HTR3A: variants seen among roughly 807,000 people sequenced by gnomAD.
HTR3A encodes the protein 5-hydroxytryptamine receptor 3A.
A neutral mutation model predicts 54.8 loss-of-function variants in HTR3A; 45 were observed. The observed-to-expected ratio is 0.82, with a 90% CI of 0.65 to 1.05. HTR3A has a LOEUF of 1.05. Ranked by LOEUF, HTR3A falls within the 50% of genes least tolerant of loss-of-function variation. HTR3A has a pLI of 0.00. For missense variants in HTR3A, 657 were observed against 614.0 expected, an observed-to-expected ratio of 1.07 and a Z score of -0.74; for synonymous variants, 297 against 256.0, an observed-to-expected ratio of 1.16 and a Z score of -1.53.
chr11:113,977,956 C>T (rs374449665), intron 2 of HTR3A, 34 bp downstream of exon 2: 1 of 1,613,918 alleles, frequency 6.2e-7, no homozygotes, highest in Non-Finnish European at 8.5e-7. Context: ...CACAGGCAGA[C>T]CTTTTGGGGG....
chr11:113,977,172 G>A (rs778165271), intron 1 of HTR3A, among the ~76,000 whole-genome samples: 1 of 152,186 alleles, frequency 6.6e-6, no homozygotes, highest in Non-Finnish European at 1.5e-5. Flanking sequence ...GGCAGGGTGC[G>A]AGGATCCTCT....
At chr11:113,988,979 G>A (rs1202596741) in intron 8 of HTR3A, among the ~76,000 whole-genome samples, 1 of 152,156 alleles carries the variant, frequency 6.6e-6, no homozygotes, top group Non-Finnish European at 1.5e-5. Context: ...AGGGGTATAC[G>A]AGGATCCTCA....
At position 113,983,300 on chromosome 11, in the gene HTR3A, G is replaced by A. The variant is rs756261212; in HGVS notation, c.544+11G>A. 3 of 1,613,362 alleles carry A rather than the reference G, an allele frequency of 1.9e-6. No individual in the cohort carries two copies. In the African/African-American group the frequency reaches 4.0e-5, roughly 22 times the overall value. On this transcript the variant is annotated intron_variant, in intron 5 of 8. Transcript: ENST00000504030. Reference sequence around the variant, plus strand: ...GTTGGCTGCACACCAGTGAGTATGTGGGCTTCGCCGGGACAGGGGTGGAGG... The same window carrying A: ...GTTGGCTGCACACCAGTGAGTATGTAGGCTTCGCCGGGACAGGGGTGGAGG...
intron 3 of HTR3A, 93 bp downstream of exon 3, chr11:113,979,370 T>C: frequency 1.0e-6 from 1 of 1,000,078 alleles, no homozygotes; most frequent in Non-Finnish European, 1.6e-6. Flanking sequence ...CGAGGGAAGG[T>C]GAGCGGAGAG....
Position 113,975,349 on chromosome 11 carries a change from G to A in HTR3A, c.24G>A (p.Ala8=), listed in dbSNP as rs779864146. Residue 8 remains alanine, a synonymous_variant, in exon 1 of 9, where the codon GCG becomes GCA. Transcript: ENST00000504030. ...CTATGCTGCTGTGGGTCCAGCAGGC[G>A]CTGCTCGCCTTGCTCCTCCCCACAC... MLLWVQQ[A]LLALLLPTLL... is the part of the protein sequence containing the mutation. 1.3e-5 allele frequency: 21 copies of A among 1,613,176 alleles called. No homozygotes were observed. The highest frequency in any genetic ancestry group is 4.4e-5 in the South Asian group (4 of 91,078).
chr11:113,989,874 A>G lies in HTR3A; in HGVS notation c.*111A>G, dbSNP rs754177405. 8 of 1,216,360 alleles carry G rather than the reference A, an allele frequency of 6.6e-6. No homozygotes were observed. The Admixed American group carries it at 8.7e-5, about 13-fold the overall frequency. 75.3% of individuals were successfully genotyped at this position (1,216,360 alleles called of 1,614,324 possible). A position where few individuals can be genotyped will look rare whatever the true frequency, so the allele number is the denominator to read the frequency against. ...AATGCCAGGGACATTTTCAAGACAC[A>G]GACAAAGTCCCGTGCCCTGTTTCCA... On this transcript the variant is annotated 3_prime_UTR_variant, in exon 9 of 9. Transcript: ENST00000504030. This position sits in a 1 kb window ranked among gnomAD's most constrained non-coding sequence, Gnocchi z 4.4.
chr11:113,980,557 G>C (rs942703833), intron 3 of HTR3A, among the ~76,000 whole-genome samples: 1 of 152,246 alleles, frequency 6.6e-6, no homozygotes, highest in Non-Finnish European at 1.5e-5. Flanking sequence ...AGGGGAGAGG[G>C]AGCAGGATAC....
chr11:113,985,178 A>G (rs1408382134), intron 5 of HTR3A, among the ~76,000 whole-genome samples: 2 of 152,160 alleles, frequency 1.3e-5, no homozygotes, highest in East Asian at 1.9e-4. Flanking sequence ...ACACATACAC[A>G]TCTATGGAAA....
rs141774545 is a variant in HTR3A, at chr11:113,986,923, G to C, written c.1015G>C (p.Val339Leu). 8 of 1,614,174 alleles carry C rather than the reference G, an allele frequency of 5.0e-6. No individual in the cohort carries two copies. Among genetic ancestry groups the C allele is most frequent in the Non-Finnish European group, 6.8e-6 (8 of 1,180,032 alleles). The change falls in exon 8 of 9, where the codon GTG becomes CTG. Residue 339 changes from valine (V) to leucine (L), a missense_variant. Val to Leu is a conservative substitution (Grantham distance 32). Transcript: ENST00000504030. ...GCACAAGCAAGACCTGCAGCAGCCC[G>C]TGCCTGCTTGGCTGCGTCACCTGGT... ...LVHKQDLQQP[V>L]PAWLRHLVLE...
At chr11:113,987,190 G>A in intron 8 of HTR3A, 144 bp downstream of exon 8, 1 of 828,192 alleles carries the variant, frequency 1.2e-6, no homozygotes, top group Non-Finnish European at 2.0e-6. Context: ...GGTGGGGGCA[G>A]CCTTCAGCCA....
intron 5 of HTR3A, 73 bp from the exon 6 acceptor site, chr11:113,985,942 T>C: frequency 1.3e-6 from 2 of 1,535,350 alleles, no homozygotes; most frequent in Non-Finnish European, 1.8e-6. Flanking sequence ...TGCCCACCTG[T>C]GTCCCATCAT....
intron 8 of HTR3A, among the ~76,000 whole-genome samples, chr11:113,988,131 C>T (rs1950513791): frequency 6.6e-6 from 1 of 152,374 alleles, no homozygotes; most frequent in Non-Finnish European, 1.5e-5. Context: ...TGTCCTTCCT[C>T]CTGACTAGGG....
Position 113,990,023 on chromosome 11 carries a change from C to G in HTR3A, c.*260C>G, listed in dbSNP as rs1472970438. 6.3e-6 allele frequency: 4 copies of G among 637,914 alleles called. No homozygotes were observed. Among genetic ancestry groups the G allele is most frequent in the Non-Finnish European group, 1.2e-5 (4 of 346,072 alleles). 39.5% of individuals were successfully genotyped at this position (637,914 alleles called of 1,614,324 possible). A position where few individuals can be genotyped will look rare whatever the true frequency, so the allele number is the denominator to read the frequency against. ...TCACCATGGCTTTAAAACATGCTGTCTTAGATCAGGAGAAACTCGGGCACT... is the reference window on the plus strand; with the variant it reads ...TCACCATGGCTTTAAAACATGCTGTGTTAGATCAGGAGAAACTCGGGCACT... On this transcript the variant is annotated 3_prime_UTR_variant, in exon 9 of 9. Transcript: ENST00000504030.
At chr11:113,984,720 C>A (rs1472188091) in intron 5 of HTR3A, among the ~76,000 whole-genome samples, 1 of 152,134 alleles carries the variant, frequency 6.6e-6, no homozygotes, top group South Asian at 2.1e-4. Context: ...AGATTGAGAC[C>A]ATCCTGGCCA....
chr11:113,983,181 C>G lies in HTR3A; in HGVS notation c.436C>G (p.Gln146Glu), dbSNP rs1474951122. 6.2e-7 allele frequency: 1 copy of G among 1,614,220 alleles called. No homozygotes were observed. Among genetic ancestry groups the G allele is most frequent in the Admixed American group, 1.7e-5 (1 of 60,026 alleles). The part of the protein sequence containing the change: ...YVYIRHQGEV[Q>E]NYKPLQVVTA... ...GTATATTCGGCATCAAGGCGAAGTT[C>G]AGAACTACAAGCCCCTTCAGGTGGT... is the stretch of plus-strand genomic sequence containing the variant. Residue 146 changes from glutamine (Q) to glutamate (E), a missense_variant, in exon 5 of 9, where the codon CAG (glutamine) becomes GAG (glutamate). Transcript: ENST00000504030.
rs759824448 is a variant in HTR3A at position 113,989,645 on chromosome 11, G to A, written c.1319G>A (p.Arg440Gln). 1.4e-5 allele frequency: 23 copies of A among 1,614,068 alleles called. No homozygotes were observed. The highest frequency in any genetic ancestry group is 3.3e-5 in the South Asian group (3 of 91,090). The part of the protein sequence containing the change: ...EKRDEIREVA[R>Q]DWLRVGSVLD... Reference sequence around the variant, plus strand: ...CGGGATGAGATCCGAGAGGTGGCCCGAGACTGGCTGCGCGTGGGCTCCGTG... The same window carrying A: ...CGGGATGAGATCCGAGAGGTGGCCCAAGACTGGCTGCGCGTGGGCTCCGTG... Residue 440 changes from arginine (R) to glutamine (Q), a missense_variant, in exon 9 of 9, where the codon CGA becomes CAA. By Grantham distance (43) the Arg-to-Gln change is conservative (BLOSUM62 1). Transcript: ENST00000504030. This position sits in a 1 kb window ranked among gnomAD's most constrained non-coding sequence, Gnocchi z 4.4.
chr11:113,984,213 T>G (rs887364326), intron 5 of HTR3A, among the ~76,000 whole-genome samples: 4 of 152,054 alleles, frequency 2.6e-5, no homozygotes, highest in Non-Finnish European at 5.9e-5. Flanking sequence ...TACCCTCTCA[T>G]CCCCTAGACT....
chr11:113,980,067 T>C (rs1398324372), intron 3 of HTR3A, among the ~76,000 whole-genome samples: 1 of 152,112 alleles, frequency 6.6e-6, no homozygotes, highest in Non-Finnish European at 1.5e-5. Flanking sequence ...AGAATGCTGA[T>C]CCCTGAGATG....
chr11:113,977,762 C>A lies in HTR3A; in HGVS notation c.68-9C>A, dbSNP rs749391887. ...GCTGGTGTCTACTTTGAACTGTTCT[C>A]CTTCCCAGCCAGGAGGAGCCGAAAC... On this transcript the variant is annotated splice_polypyrimidine_tract_variant and intron_variant, in intron 1 of 8. Coordinates refer to ENST00000504030, the MANE Select transcript of HTR3A (RefSeq NM_000869.6). The A allele has an allele frequency of 3.7e-6, 6 of 1,613,844 alleles. No homozygotes were observed. Among genetic ancestry groups the A allele is most frequent in the Non-Finnish European group, 5.1e-6 (6 of 1,179,904 alleles).
Sources: gnomAD v4.1 joint callset for allele counts (sites outside exome capture counted in the v4.1 genomes callset) on GRCh38, gnomAD v4.1.1 for gene constraint, Gnocchi (gnomAD v3.1) non-coding constraint, MANE v1.5 for transcripts, NCBI Gene and HGNC (gene_info 2026-07-23, HGNC 2026-07-21) for gene names.